The following RBFOX1 variants were observed in gnomAD, a reference collection of about 807,000 sequenced individuals.
The protein encoded by RBFOX1 is RNA binding protein fox-1 homolog 1.
In RBFOX1, 8 loss-of-function variants were observed where a neutral mutation model predicts 57.7. The observed-to-expected ratio is 0.14, with a 90% CI of 0.08 to 0.25. The LOEUF (loss-of-function observed/expected upper bound fraction) is 0.25, where lower values mean the gene tolerates loss of function less well. RBFOX1 is among the 10% of genes least tolerant of loss of function. The pLI is 1.00. For missense variants in RBFOX1, 611 were observed against 548.5 expected, an observed-to-expected ratio of 1.11 and a Z score of -1.14; for synonymous variants, 326 against 222.4, an observed-to-expected ratio of 1.47 and a Z score of -4.15.
chr16:6,850,134 G>A (rs927807940), intron 3 of RBFOX1, among the ~76,000 whole-genome samples: 10 of 152,160 alleles, frequency 6.6e-5, no homozygotes, highest in African/African-American at 2.4e-4. Flanking sequence ...AAACTTACAA[G>A]TTCCTGCACC....
At chr16:7,039,250 T>C (rs1357546738) in intron 3 of RBFOX1, among the ~76,000 whole-genome samples, 1 of 152,200 alleles carries the variant, frequency 6.6e-6, no homozygotes, top group African/African-American at 2.4e-5. Context: ...AACAAATCCA[T>C]TATTATTTTT....
chr16:5,374,042 T>C lies in RBFOX1; in HGVS notation c.220-93174T>C, dbSNP rs151025424. ...AAGCGATTCTCCTGCCTCACCCTCC[T>C]GAGTAGCTGCGATTACAGGCACCTG... On this transcript the variant is annotated intron_variant, in intron 1 of 2. Coordinates refer to the RBFOX1 transcript ENST00000585867. Among the ~76,000 whole-genome samples the C allele has an allele frequency of 8.7e-3, 1,329 of 152,278 alleles. 16 individuals carry two copies. The highest frequency in any genetic ancestry group is 0.03 in the African/African-American group (1,266 of 41,566).
chr16:6,617,198 G>C (rs1171752730), intron 2 of RBFOX1, among the ~76,000 whole-genome samples: 1 of 151,728 alleles, frequency 6.6e-6, no homozygotes, highest in Non-Finnish European at 1.5e-5. Flanking sequence ...CATCTGTATA[G>C]GGTTCAGTGA....
At chr16:6,617,321 A>G (rs562970086) in intron 2 of RBFOX1, among the ~76,000 whole-genome samples, 7 of 152,198 alleles carry the variant, frequency 4.6e-5, no homozygotes, top group Non-Finnish European at 1.0e-4. Flanking sequence ...CAAAGCCTCA[A>G]AAACAGATAG....
intron 1 of RBFOX1, among the ~76,000 whole-genome samples, chr16:6,027,792 C>T (rs1232431208): frequency 6.6e-6 from 1 of 152,100 alleles, no homozygotes; most frequent in African/African-American, 2.4e-5. Context: ...GTATATTTTC[C>T]TCTTGACTGT....
intron 4 of RBFOX1, among the ~76,000 whole-genome samples, chr16:5,957,555 A>G (rs373401441): frequency 2.6e-5 from 4 of 152,152 alleles, no homozygotes; most frequent in African/African-American, 4.8e-5. Context: ...CAGGAGGTCA[A>G]TTTCTGGAGC....
At chr16:5,584,402 C>T (rs2046766260) in intron 2 of RBFOX1, among the ~76,000 whole-genome samples, 1 of 152,196 alleles carries the variant, frequency 6.6e-6, no homozygotes, top group Non-Finnish European at 1.5e-5. Context: ...CACCAAGCTG[C>T]ATCTCCCAGC....
intron 4 of RBFOX1, among the ~76,000 whole-genome samples, chr16:7,086,879 T>C (rs2060073900): frequency 6.6e-6 from 1 of 152,330 alleles, no homozygotes. Flanking sequence ...TTTTTGCTTT[T>C]GATTTGCTGA....
At chr16:5,885,857 C>G (rs966968249) in intron 4 of RBFOX1, among the ~76,000 whole-genome samples, 1 of 152,134 alleles carries the variant, frequency 6.6e-6, no homozygotes, top group African/African-American at 2.4e-5. Flanking sequence ...AGCTGGGTTA[C>G]TGATACAGGT....
At chr16:7,650,142 G>C (rs1360419279) in intron 11 of RBFOX1, among the ~76,000 whole-genome samples, 1 of 152,066 alleles carries the variant, frequency 6.6e-6, no homozygotes, top group African/African-American at 2.4e-5. Flanking sequence ...AGAAAGAAAG[G>C]AATGTGATCG....
intron 5 of RBFOX1, among the ~76,000 whole-genome samples, chr16:7,578,945 G>A (rs1357999107): frequency 6.6e-6 from 1 of 152,182 alleles, no homozygotes; most frequent in Non-Finnish European, 1.5e-5. Flanking sequence ...GAAGACAGGG[G>A]AGGTGAAACA....
intron 3 of RBFOX1, among the ~76,000 whole-genome samples, chr16:6,821,652 T>C (rs1413710531): frequency 6.6e-6 from 1 of 152,210 alleles, no homozygotes; most frequent in Non-Finnish European, 1.5e-5. Flanking sequence ...GTGGCCTTTT[T>C]CATCTGACTT....
rs147422530 is a variant in RBFOX1, at chr16:7,093,239, G to A, written c.27+41141G>A. Among the ~76,000 whole-genome samples the A allele has an allele frequency of 1.6e-3, 238 of 152,280 alleles. 2 individuals carry two copies. The Middle Eastern group carries it at 0.041, about 26-fold the overall frequency. The stretch of plus-strand genomic sequence containing the variant: ...AGGGGGCTGAGAAAATGGCCCAGCA[G>A]ACTCTGATTACTGTGATGAAGGTGT... On this transcript the variant is annotated intron_variant, in intron 4 of 15. Coordinates refer to ENST00000550418, the MANE Select transcript of RBFOX1 (RefSeq NM_018723.4).
At chr16:5,592,920 A>G (rs2047058318) in intron 2 of RBFOX1, among the ~76,000 whole-genome samples, 3 of 152,224 alleles carry the variant, frequency 2.0e-5, no homozygotes, top group Non-Finnish European at 4.4e-5. Context: ...TGCGGGGGCC[A>G]GAGCAACTCC....
intron 3 of RBFOX1, among the ~76,000 whole-genome samples, chr16:5,752,011 A>G (rs182456443): frequency 2.0e-3 from 311 of 152,356 alleles, no homozygotes; most frequent in Middle Eastern, 6.8e-3. Flanking sequence ...TAGCAAAGAC[A>G]TGGAGTAAAT....
intron 2 of RBFOX1, among the ~76,000 whole-genome samples, chr16:5,470,745 C>T (rs1358455985): frequency 3.3e-5 from 5 of 152,108 alleles, no homozygotes; most frequent in Non-Finnish European, 7.4e-5. Flanking sequence ...GGGATTTGAA[C>T]CCTGGTCTGT....
intron 6 of RBFOX1, among the ~76,000 whole-genome samples, chr16:7,582,228 T>G (rs1558337): frequency 0.1 from 15,818 of 152,202 alleles, 2,703 homozygotes; most frequent in African/African-American, 0.36. Flanking sequence ...GATGTCAATT[T>G]GGCAAGATGA....
chr16:6,774,319 C>G (rs891475039), intron 3 of RBFOX1, among the ~76,000 whole-genome samples: 3 of 152,216 alleles, frequency 2.0e-5, no homozygotes, highest in South Asian at 4.1e-4. Context: ...AGGAAAGTAT[C>G]AGAATGCAGC....
intron 4 of RBFOX1, among the ~76,000 whole-genome samples, chr16:7,484,861 G>A (rs1034563280): frequency 6.6e-6 from 1 of 152,058 alleles, no homozygotes; most frequent in Non-Finnish European, 1.5e-5. Context: ...TGATTTAATG[G>A]CCACCTTTGG....
Sources: gnomAD v4.1 joint callset for allele counts (sites outside exome capture counted in the v4.1 genomes callset) on GRCh38, gnomAD v4.1.1 for gene constraint, MANE v1.5 for transcripts, NCBI Gene and HGNC (gene_info 2026-07-23, HGNC 2026-07-21) for gene names.